C17orf99: variants seen among roughly 807,000 people sequenced by gnomAD.
C17orf99 encodes the protein protein IL-40.
Under a neutral mutation model 22.6 loss-of-function variants are expected in C17orf99, and 18 were observed. The observed-to-expected ratio is 0.80, with a 90% CI of 0.55 to 1.18. C17orf99 has a LOEUF of 1.18. C17orf99 is among the 50% of genes most tolerant of loss of function. The pLI is 0.00. For missense variants in C17orf99, 328 were observed against 342.7 expected (o/e 0.96, Z 0.34); for synonymous variants, 147 against 136.6 (o/e 1.08, Z -0.53).
chr17:78,159,313 G>A (rs2075553844), intron 2 of C17orf99, among the ~76,000 whole-genome samples: 1 of 152,166 alleles, frequency 6.6e-6, no homozygotes, highest in Non-Finnish European at 1.5e-5. Context: ...CTCCATTCTG[G>A]ACGACAGAGC....
At chr17:78,159,951 A>G (rs112839294) in intron 2 of C17orf99, 3 of 426,728 alleles carry the variant, frequency 7.0e-6, no homozygotes, top group African/African-American at 4.1e-5. Flanking sequence ...ACCACATTCT[A>G]TTTACCCATT....
chr17:78,158,109 A>G (rs1172674489), intron 2 of C17orf99: 1 of 890,408 alleles, frequency 1.1e-6, no homozygotes, highest in Non-Finnish European at 1.8e-6. Flanking sequence ...CTTGGCAAAG[A>G]GACTGAGCAG....
At chr17:78,153,037 T>C (rs971148562) in intron 2 of C17orf99, among the ~76,000 whole-genome samples, 1 of 151,448 alleles carries the variant, frequency 6.6e-6, no homozygotes, top group Non-Finnish European at 1.5e-5. Flanking sequence ...ATTGAGATCG[T>C]GCCGCTGCAC....
At chr17:78,151,949 G>A (rs1361947205) in intron 2 of C17orf99, among the ~76,000 whole-genome samples, 6 of 152,236 alleles carry the variant, frequency 3.9e-5, no homozygotes, top group South Asian at 2.1e-4. Context: ...GTCTGGAGAG[G>A]GGTAGCACAA....
intron 2 of C17orf99, chr17:78,160,080 C>T (rs764721813): frequency 1.5e-5 from 7 of 456,146 alleles, no homozygotes; most frequent in South Asian, 1.1e-4. Context: ...TGGTGTATGT[C>T]TAGGCCTGGA....
chr17:78,164,273 C>T lies in C17orf99; in HGVS notation c.549C>T (p.Ser183=). 1.3e-5 allele frequency: 20 copies of T among 1,551,554 alleles called. No homozygotes were observed. The South Asian group carries it at 2.3e-4, about 18-fold the overall frequency. The change falls in exon 4 of 5, where the codon TCC becomes TCT. Residue 183 remains serine (S), a synonymous_variant. Transcript: ENST00000340363. ...GCCACAGGCAGCCTGCCAACTTCTC[C>T]TTCCTGCCGAGCCAGACATCGGACT... ...RPCHRQPANF[S]FLPSQTSDWF...
rs1372711080 is a variant in C17orf99 at position 78,157,524 on chromosome 17, C to T, written c.71-3431C>T. Reference sequence around the variant, plus strand: ...TGTAAAAATGACTTTGTAGGCCGGGCGCGGTGGCTCACGCCCGTAATCCCA... The same window carrying T: ...TGTAAAAATGACTTTGTAGGCCGGGTGCGGTGGCTCACGCCCGTAATCCCA... On this transcript the variant is annotated intron_variant, in intron 2 of 4. Transcript: ENST00000340363. 3.0e-5 allele frequency: 33 copies of T among 1,089,406 alleles called. 1 individual carries two copies. In the South Asian group the frequency reaches 4.1e-4, roughly 13 times the overall value. 67.5% of individuals were successfully genotyped at this position (1,089,406 alleles called of 1,614,324 possible). A position where few individuals can be genotyped will look rare whatever the true frequency, so the allele number is the denominator to read the frequency against.
At chr17:78,164,928 G>T in intron 4 of C17orf99, 1 of 1,154,274 alleles carries the variant, frequency 8.7e-7, no homozygotes. Flanking sequence ...CAGTCTGCTG[G>T]CCTCTGGGAG....
chr17:78,149,934 C>T (rs946902297), intron 2 of C17orf99, among the ~76,000 whole-genome samples: 3 of 151,984 alleles, frequency 2.0e-5, no homozygotes, highest in Non-Finnish European at 2.9e-5. Flanking sequence ...TGGTGTTGAT[C>T]GCTTGACCTC....
chr17:78,160,646 G>T, intron 2 of C17orf99: 2 of 327,486 alleles, frequency 6.1e-6, no homozygotes, highest in Non-Finnish European at 1.1e-5. Flanking sequence ...GTGTGATCTC[G>T]GCTCACTGCC....
upstream of C17orf99, among the ~76,000 whole-genome samples, chr17:78,145,988 A>T (rs1341298072): frequency 6.6e-6 from 1 of 151,960 alleles, no homozygotes; most frequent in African/African-American, 2.4e-5. Context: ...GAGTTTCGCC[A>T]TGTTGGCCAG....
intron 4 of C17orf99, chr17:78,164,659 C>G (rs760022647): frequency 2.7e-6 from 4 of 1,456,482 alleles, no homozygotes; most frequent in Non-Finnish European, 2.7e-6. Context: ...ACCACGTGGG[C>G]CAGGTAGGAA....
intron 2 of C17orf99, among the ~76,000 whole-genome samples, chr17:78,150,921 A>G (rs947239026): frequency 2.7e-5 from 4 of 149,860 alleles, no homozygotes; most frequent in Admixed American, 2.0e-4. Context: ...TCAGGAGTTT[A>G]AGACCAGCCT....
intron 2 of C17orf99, chr17:78,160,719 G>A: frequency 3.7e-6 from 2 of 538,920 alleles, no homozygotes. Context: ...GAGTAGCAGG[G>A]ATTACAGGTG....
intron 2 of C17orf99, 185 bp from the exon 3 acceptor site, chr17:78,160,770 A>G (rs1310958865): frequency 1.0e-5 from 6 of 596,976 alleles, no homozygotes; most frequent in Non-Finnish European, 1.8e-5. Flanking sequence ...TTTAGTAGAG[A>G]CAGACTTTCA....
intron 4 of C17orf99, chr17:78,165,621 G>T: frequency 1.1e-6 from 1 of 927,840 alleles, no homozygotes; most frequent in Non-Finnish European, 1.3e-6. Flanking sequence ...TGGCCAACAT[G>T]AAGAAACCCC....
At chr17:78,162,013 C>T (rs755105681) in intron 3 of C17orf99, among the ~76,000 whole-genome samples, 1 of 152,100 alleles carries the variant, frequency 6.6e-6, no homozygotes, top group Non-Finnish European at 1.5e-5. Flanking sequence ...TGGTGGCTCA[C>T]GCCTATAAGC....
At chr17:78,158,238 G>T (rs2075543819) in intron 2 of C17orf99, 3 of 583,466 alleles carry the variant, frequency 5.1e-6, no homozygotes, top group Non-Finnish European at 3.3e-6. Context: ...CTCCCAAGAG[G>T]CCCCCTCCCC....
chr17:78,164,794 C>T (rs1421175773), intron 4 of C17orf99: 1 of 1,257,834 alleles, frequency 8.0e-7, no homozygotes, highest in African/African-American at 1.6e-5. Flanking sequence ...AAAGAGCGGC[C>T]ATCACCGCTT....
Sources: gnomAD v4.1 joint callset for allele counts (sites outside exome capture counted in the v4.1 genomes callset) on GRCh38, gnomAD v4.1.1 for gene constraint, MANE v1.5 for transcripts, NCBI Gene and HGNC (gene_info 2026-07-23, HGNC 2026-07-21) for gene names.